The following NQO2 variants were observed in gnomAD, a reference collection of about 807,000 sequenced individuals.
NQO2 encodes the protein ribosyldihydronicotinamide dehydrogenase [quinone].
NQO2 carries 18 observed loss-of-function variants against 22.0 expected under a neutral mutation model. That is an observed-to-expected ratio of 0.82 (90% CI 0.56 to 1.21). The LOEUF is 1.21. Ranked by LOEUF, NQO2 falls within the 50% of genes most tolerant of loss-of-function variation. The pLI, the probability that NQO2 is intolerant of heterozygous loss-of-function variation, is 0.00. For missense variants in NQO2, 267 were observed against 286.9 expected (o/e 0.93, Z 0.50); for synonymous variants, 106 against 110.8 (o/e 0.96, Z 0.28).
chr6:3,019,580 G>A lies in NQO2; in HGVS notation c.621G>A (p.Ala207=), dbSNP rs148763444. 105 of 1,614,058 alleles carry A rather than the reference G, an allele frequency of 6.5e-5. No individual in the cohort carries two copies. The highest frequency in any genetic ancestry group is 4.3e-4 in the African/African-American group (32 of 74,914). ...SEEERKGMVA[A]WSQRLQTIWK... is the part of the protein sequence containing the mutation. ...AAGAAAGAAAGGGGATGGTGGCTGC[G>A]TGGTCCCAGAGGCTGCAGACCATCT... The change falls in exon 7 of 7, where the codon GCG becomes GCA. Residue 207 remains alanine, a synonymous_variant. Coordinates refer to ENST00000380455, the MANE Select transcript of NQO2 (RefSeq NM_000904.6).
At chr6:3,016,332 G>T (rs146466944) in intron 5 of NQO2, among the ~76,000 whole-genome samples, 1 of 151,138 alleles carries the variant, frequency 6.6e-6, no homozygotes, top group Non-Finnish European at 1.5e-5. Flanking sequence ...TTGGGAGGCC[G>T]AGGCAGGAGA....
At chr6:3,013,896 G>A (rs149418369) in intron 4 of NQO2, among the ~76,000 whole-genome samples, 57 of 152,248 alleles carry the variant, frequency 3.7e-4, no homozygotes, top group African/African-American at 1.3e-3. Flanking sequence ...AGCTGCTCTC[G>A]TCCACAGATT....
chr6:3,015,824 TGGAGCTTTTTGTCTGGTGG>T (rs1351173751), intron 5 of NQO2, among the ~76,000 whole-genome samples, 181 bp downstream of exon 5: 1 of 152,232 alleles, frequency 6.6e-6, no homozygotes, highest in Non-Finnish European at 1.5e-5. Context: ...TCTGAAATCA[TGGAGCTTTTTGTCTGGTGG>T]GGCTGCGAAC....
chr6:3,010,220 A>T, intron 3 of NQO2, 31 bp downstream of exon 3: 1 of 1,518,598 alleles, frequency 6.6e-7, no homozygotes, highest in Non-Finnish European at 8.9e-7. Context: ...TCTATTTATA[A>T]AAACCATCTT....
At chr6:3,002,653 T>C (rs1182682826) in intron 1 of NQO2, among the ~76,000 whole-genome samples, 6 of 151,992 alleles carry the variant, frequency 3.9e-5, no homozygotes, top group Non-Finnish European at 8.8e-5. Flanking sequence ...CCAAGGGCTT[T>C]CTGTCAGGCT....
intron 5 of NQO2, 56 bp from the exon 6 acceptor site, chr6:3,016,828 A>C: frequency 6.3e-7 from 1 of 1,597,142 alleles, no homozygotes; most frequent in South Asian, 1.1e-5. Flanking sequence ...GAGGCTCAGC[A>C]ACATTTCTGT....
In NQO2 at chr6:3,006,352, G is replaced by A. The variant is rs568629340; in HGVS notation, c.-85-116G>A. 24 of 1,398,874 alleles carry A rather than the reference G, an allele frequency of 1.7e-5. No homozygotes were observed. The African/African-American group carries it at 3.4e-4, about 20-fold the overall frequency. 86.7% of individuals were successfully genotyped at this position (1,398,874 alleles called of 1,614,324 possible). On this transcript the variant is annotated intron_variant, in intron 1 of 6. Transcript: ENST00000380455. This position sits in a 1 kb window ranked among gnomAD's most constrained non-coding sequence, Gnocchi z 4.0. ...GAAGATTCCTGGCCTCTCTTGAGAG[G>A]TCTTTCTCTGATGTGTTTGCGTGTC...
chr6:3,014,454 C>T (rs769638467), intron 4 of NQO2, among the ~76,000 whole-genome samples: 9 of 152,164 alleles, frequency 5.9e-5, no homozygotes, highest in Non-Finnish European at 1.3e-4. Context: ...ACGCTGAGCT[C>T]TCTGCTCTGC....
At chr6:3,015,237 G>A (rs753815549) in intron 4 of NQO2, 1 of 1,403,168 alleles carries the variant, frequency 7.1e-7, no homozygotes, top group Non-Finnish European at 9.4e-7. Flanking sequence ...TCCAAAGCTG[G>A]TGTTACGCAC....
chr6:3,003,306 C>G (rs534566129), intron 1 of NQO2, among the ~76,000 whole-genome samples: 1 of 151,692 alleles, frequency 6.6e-6, no homozygotes. Context: ...CTTGCCTCAT[C>G]GGGAGGCTTT....
intron 4 of NQO2, among the ~76,000 whole-genome samples, chr6:3,012,886 G>C (rs1479057744): frequency 6.9e-6 from 1 of 144,306 alleles, no homozygotes; most frequent in Non-Finnish European, 1.5e-5. Flanking sequence ...ACTTCACCTA[G>C]TTACAACACT....
At chr6:3,010,655 A>G (rs1403423500) in intron 3 of NQO2, among the ~76,000 whole-genome samples, 1 of 152,190 alleles carries the variant, frequency 6.6e-6, no homozygotes, top group Admixed American at 6.5e-5. Context: ...CAACAGCCAG[A>G]GACAAAGGAG....
chr6:3,005,940 C>G, intron 1 of NQO2: 1 of 344,870 alleles, frequency 2.9e-6, no homozygotes, highest in Non-Finnish European at 4.1e-6. Flanking sequence ...CTCCTCTGCT[C>G]CTCTGGCCTC....
chr6:3,013,534 T>G (rs1294903127), intron 4 of NQO2, among the ~76,000 whole-genome samples: 1 of 152,086 alleles, frequency 6.6e-6, no homozygotes, highest in Non-Finnish European at 1.5e-5. Flanking sequence ...TATCCTGCCT[T>G]AAATATCCTG....
chr6:3,011,843 A>G (rs965294393), intron 3 of NQO2, among the ~76,000 whole-genome samples: 6 of 152,230 alleles, frequency 3.9e-5, no homozygotes, highest in African/African-American at 1.4e-4. Flanking sequence ...CTAGCCTTCA[A>G]CTCTGAAAGA....
At position 3,005,206 on chromosome 6, in the gene NQO2, A is replaced by G. The variant is rs28739028; in HGVS notation, c.-85-1262A>G. Among the ~76,000 whole-genome samples the G allele has an allele frequency of 3.5e-3, 535 of 152,282 alleles. 3 individuals carry two copies. The highest frequency in any genetic ancestry group is 0.012 in the African/African-American group (517 of 41,550). On this transcript the variant is annotated intron_variant, in intron 1 of 6. Transcript: ENST00000380455. ...TGTTGTGGAAAATGCTGCTTTGAACATGGGTGGGCAAGTGGTTTTCAAGAC... is the reference window on the plus strand; with the variant it reads ...TGTTGTGGAAAATGCTGCTTTGAACGTGGGTGGGCAAGTGGTTTTCAAGAC...
intron 1 of NQO2, among the ~76,000 whole-genome samples, chr6:3,002,871 AG>A: frequency 6.6e-6 from 1 of 151,876 alleles, no homozygotes; most frequent in Admixed American, 6.6e-5. Flanking sequence ...CTCTAATCTC[AG>A]CCCCCTGAGT....
intron 1 of NQO2, among the ~76,000 whole-genome samples, chr6:3,001,090 CT>C (rs66489312): frequency 0.66 from 75,465 of 113,832 alleles, 24,123 homozygotes; most frequent in African/African-American, 0.69. Context: ...CTTTCTTTTT[CT>C]TTTTTTTTTT....
At chr6:3,017,063 C>T (rs906189281) in intron 6 of NQO2, 78 bp downstream of exon 6, 2 of 1,492,618 alleles carry the variant, frequency 1.3e-6, no homozygotes, top group East Asian at 2.4e-5. Flanking sequence ...TGCATACACA[C>T]ACACACGCAC....
Sources: gnomAD v4.1 joint callset for allele counts (sites outside exome capture counted in the v4.1 genomes callset) on GRCh38, gnomAD v4.1.1 for gene constraint, Gnocchi (gnomAD v3.1) non-coding constraint, MANE v1.5 for transcripts, NCBI Gene and HGNC (gene_info 2026-07-23, HGNC 2026-07-21) for gene names.